Variants in ODC1 observed in about 807,000 individuals in gnomAD.
The protein encoded by ODC1 is ornithine decarboxylase.
In ODC1, 18 loss-of-function variants were observed where a neutral mutation model predicts 41.5. The ratio of observed to expected loss-of-function variants is 0.43; its 90% confidence interval spans 0.30 to 0.64. The LOEUF is 0.64. Ranked by LOEUF, ODC1 falls within the 30% of genes least tolerant of loss-of-function variation. The probability of loss-of-function intolerance (pLI) is 0.11; values close to 1 mark genes in which losing one functional copy is unlikely to be tolerated. For missense variants in ODC1, 504 were observed against 589.0 expected, an observed-to-expected ratio of 0.86 and a Z score of 1.49; for synonymous variants, 218 against 211.6, an observed-to-expected ratio of 1.03 and a Z score of -0.26.
intron 1 of ODC1, among the ~76,000 whole-genome samples, chr2:10,447,066 TATTA>T (rs1264673971): frequency 1.3e-5 from 2 of 152,246 alleles, no homozygotes; most frequent in Admixed American, 6.5e-5. Flanking sequence ...TTTGAGGCCT[TATTA>T]AATATTTTTA....
chr2:10,444,412 C>T (rs1387394621), intron 4 of ODC1, 62 bp downstream of exon 4: 3 of 1,534,888 alleles, frequency 2.0e-6, no homozygotes, highest in Non-Finnish European at 2.6e-6. Context: ...CTTGTATCTG[C>T]CTCGTGGGGA....
At chr2:10,446,661 ATTAT>A (rs2148072652) in intron 1 of ODC1, 1 of 325,826 alleles carries the variant, frequency 3.1e-6, no homozygotes, top group Non-Finnish European at 5.8e-6. Context: ...CTTTCTTAAA[ATTAT>A]TTATTTTAAC....
chr2:10,447,287 G>C (rs1672055535), intron 1 of ODC1, among the ~76,000 whole-genome samples: 1 of 152,060 alleles, frequency 6.6e-6, no homozygotes, highest in South Asian at 2.1e-4. Flanking sequence ...AGAAGAGATA[G>C]GGGCTAATTC....
rs1462351827 is a variant in ODC1, at chr2:10,441,604, G to C, written c.1146C>G (p.Leu382=). Residue 382 remains leucine, a synonymous_variant, in exon 11 of 12, where the codon CTC becomes CTG. Coordinates refer to ENST00000234111, the MANE Select transcript of ODC1 (RefSeq NM_002539.3). ...LPEMHVGDWM[L]FENMGAYTVA... is the part of the protein sequence containing the mutation. ...CAGTGTAAGCGCCCATGTTTTCAAA[G>C]AGCATCCAATCACCCACATGCATTT... The C allele has an allele frequency of 1.2e-6, 2 of 1,614,096 alleles. No individual in the cohort carries two copies. The highest frequency in any genetic ancestry group is 3.3e-5 in the Admixed American group (2 of 60,006).
chr2:10,446,763 G>A (rs1339237577), intron 1 of ODC1: 9 of 463,346 alleles, frequency 1.9e-5, no homozygotes, highest in South Asian at 7.7e-5. Flanking sequence ...CAGAGGCCAG[G>A]CAATGGTTCG....
rs914044923 is a variant in ODC1 at position 10,441,822 on chromosome 2, G to T, written c.1021C>A (p.Gln341Lys). ...ACAGTATGCTCAGAAATTACCTTTT[G>T]CAGAAGGGGCTTTACATGTGCGTGG... ...YDHAHVKPLLQKRPKPDEKYY... is the reference protein window; with the variant it reads ...YDHAHVKPLLKKRPKPDEKYY... Residue 341 changes from glutamine to lysine, a missense_variant, in exon 10 of 12, where the codon CAA becomes AAA. Gln to Lys is a moderately conservative substitution (Grantham distance 53). Around this residue, in one of 3 missense-constraint regions of ODC1, gnomAD observed 447 missense variants for 524.4 expected, o/e 0.85. Transcript: ENST00000234111. 3.7e-6 allele frequency: 6 copies of T among 1,613,970 alleles called. No homozygotes were observed. The highest frequency in any genetic ancestry group is 5.1e-6 in the Non-Finnish European group (6 of 1,179,862).
At position 10,444,633 on chromosome 2, in the gene ODC1, G is replaced by A. The variant is rs879767099; in HGVS notation, c.117C>T (p.Ala39=). The change falls in exon 4 of 12, where the codon GCC becomes GCT. Residue 39 remains alanine, a synonymous_variant. Coordinates refer to ENST00000234111, the MANE Select transcript of ODC1 (RefSeq NM_002539.3). ...NEVSSSDDKD[A]FYVADLGDIL... is the part of the protein sequence containing the mutation. ...TGTCTCCCAGGTCTGCCACATAGAA[G>A]GCATCCTTATCATCCTGAAACAAGA... is the stretch of plus-strand genomic sequence containing the variant. 21 of 1,612,784 alleles carry A rather than the reference G, an allele frequency of 1.3e-5. No individual in the cohort carries two copies. The highest frequency in any genetic ancestry group is 5.3e-5 in the African/African-American group (4 of 74,886).
Position 10,444,973 on chromosome 2 carries a change from G to A in ODC1, c.60C>T (p.Ala20=). The A allele has an allele frequency of 1.2e-6, 2 of 1,613,752 alleles. No homozygotes were observed. The highest frequency in any genetic ancestry group is 1.7e-6 in the Non-Finnish European group (2 of 1,179,706). ...DCHFLDEGFT[A]KDILDQKINE... The stretch of plus-strand genomic sequence containing the variant: ...TAATTTTCTGGTCCAGAATGTCCTT[G>A]GCAGTAAAACCTTCATCGAGGAAGT... Residue 20 remains alanine (A), a synonymous_variant, in exon 3 of 12, where the codon GCC becomes GCT. Transcript: ENST00000234111.
At chr2:10,440,998 T>C in intron 11 of ODC1, 130 bp from the exon 12 acceptor site, 1 of 1,059,428 alleles carries the variant, frequency 9.4e-7, no homozygotes, top group Non-Finnish European at 1.3e-6. Context: ...TCTCTGTTAC[T>C]CAGGCTGGAA....
chr2:10,442,551 A>T (rs1016262296), intron 8 of ODC1, among the ~76,000 whole-genome samples: 2 of 152,182 alleles, frequency 1.3e-5, no homozygotes, highest in Non-Finnish European at 2.9e-5. Flanking sequence ...AACCATGTGG[A>T]TATATTTTAT....
At chr2:10,442,749 T>C (rs1292544792) in intron 8 of ODC1, among the ~76,000 whole-genome samples, 4 of 152,098 alleles carry the variant, frequency 2.6e-5, no homozygotes, top group Non-Finnish European at 5.9e-5. Context: ...TCTCACTCTG[T>C]AGCCCAGGCT....
In ODC1 at chr2:10,444,867, G is replaced by A. The variant is rs542123870; in HGVS notation, c.102+64C>T. 1.2e-4 allele frequency: 150 copies of A among 1,218,662 alleles called. No homozygotes were observed. The African/African-American group carries it at 1.9e-3, about 16-fold the overall frequency. 75.5% of individuals were successfully genotyped at this position (1,218,662 alleles called of 1,614,324 possible). ...GCCTCATTGCTCTTCCTTAGACCTT[G>A]CCAAAGTTTTCCACTTGCCTGGCAC... On this transcript the variant is annotated intron_variant, in intron 3 of 11. Coordinates refer to ENST00000234111, the MANE Select transcript of ODC1 (RefSeq NM_002539.3).
Position 10,440,602 on chromosome 2 carries a change from C to A in ODC1, c.*122G>T. On this transcript the variant is annotated 3_prime_UTR_variant, in exon 12 of 12. Transcript: ENST00000234111. Reference sequence around the variant, plus strand: ...ACCCATATCCTAGTCTTCCATATGGCTGCATCATGGCGACCCTACTCTTAC... The same window carrying A: ...ACCCATATCCTAGTCTTCCATATGGATGCATCATGGCGACCCTACTCTTAC... The A allele has an allele frequency of 2.2e-6, 2 of 924,310 alleles. No homozygotes were observed. The allele number at this position is 924,310 out of a possible 1,614,324, so 57.3% of individuals were successfully genotyped here.
At chr2:10,442,273 C>T in intron 8 of ODC1, 99 bp from the exon 9 acceptor site, 1 of 1,177,626 alleles carries the variant, frequency 8.5e-7, no homozygotes, top group Non-Finnish European at 1.2e-6. Flanking sequence ...ATCATGAGAC[C>T]AGGCATCAAC....
intron 7 of ODC1, 40 bp downstream of exon 7, chr2:10,443,450 T>C (rs753137096): frequency 1.3e-6 from 2 of 1,593,376 alleles, no homozygotes; most frequent in Non-Finnish European, 1.7e-6. Flanking sequence ...TTATTGTCAG[T>C]TGTGTCCCGC....
Position 10,442,133 on chromosome 2 carries a change from C to A in ODC1, c.792G>T (p.Pro264=), listed in dbSNP as rs759383695. The A allele has an allele frequency of 2.5e-6, 4 of 1,613,600 alleles. No individual in the cohort carries two copies. The highest frequency in any genetic ancestry group is 3.4e-6 in the Non-Finnish European group (4 of 1,179,902). The change falls in exon 9 of 12, where the codon CCG becomes CCT. Residue 264 remains proline, a synonymous_variant. Coordinates refer to ENST00000234111, the MANE Select transcript of ODC1 (RefSeq NM_002539.3). ...VINPALDKYF[P]SDSGVRIIAE... is the part of the protein sequence containing the mutation. ...CTATGATTCTCACTCCAGAGTCTGA[C>A]GGAAAGTATTTGTCCAACGCTGGGT... is the stretch of plus-strand genomic sequence containing the variant.
chr2:10,440,200 C>T lies in ODC1; in HGVS notation c.*524G>A, dbSNP rs1231031437. The T allele has an allele frequency of 2.0e-5, 3 of 153,078 alleles. No homozygotes were observed. Among genetic ancestry groups the T allele is most frequent in the Non-Finnish European group, 4.4e-5 (3 of 68,706 alleles). The allele number at this position is 153,078 out of a possible 1,614,324, so 9.5% of individuals were successfully genotyped here. ...CTCTGGACAAGGAGTTTGCAGCCAA[C>T]TCTGGACATGTGGGGTGGGCTGAGC... is the stretch of plus-strand genomic sequence containing the variant. On this transcript the variant is annotated 3_prime_UTR_variant, in exon 12 of 12. Coordinates refer to ENST00000234111, the MANE Select transcript of ODC1 (RefSeq NM_002539.3).
At chr2:10,441,242 C>A (rs28362415) in intron 11 of ODC1, among the ~76,000 whole-genome samples, 24 of 152,320 alleles carry the variant, frequency 1.6e-4, no homozygotes, top group Non-Finnish European at 3.2e-4. Flanking sequence ...GCCAGCACAC[C>A]TGGCCAATTC....
chr2:10,443,104 C>T (rs761393914), intron 8 of ODC1, 126 bp downstream of exon 8: 1 of 747,394 alleles, frequency 1.3e-6, no homozygotes, highest in Non-Finnish European at 2.3e-6. Context: ...AAAGAAATCA[C>T]TCAAAATATC....
Sources: gnomAD v4.1 joint callset for allele counts (sites outside exome capture counted in the v4.1 genomes callset) on GRCh38, gnomAD v4.1.1 for gene constraint, gnomAD v4.1.1 regional missense constraint, MANE v1.5 for transcripts, NCBI Gene and HGNC (gene_info 2026-07-23, HGNC 2026-07-21) for gene names.